The following SGPP2 variants were observed in gnomAD, a reference collection of about 807,000 sequenced individuals.
SGPP2 encodes the protein sphingosine-1-phosphate phosphatase 2.
SGPP2 carries 30 observed loss-of-function variants against 33.9 expected under a neutral mutation model. The observed-to-expected ratio is 0.89, with a 90% confidence interval of 0.66 to 1.20. The LOEUF is 1.20. Among genes scored for constraint, SGPP2 ranks in the 50% most tolerant of loss-of-function variants. SGPP2 has a pLI of 0.00. For missense variants in SGPP2, 458 were observed against 532.1 expected (o/e 0.86, Z 1.37); for synonymous variants, 233 against 225.0 (o/e 1.04, Z -0.32).
In SGPP2 at chr2:222,559,406, C is replaced by T. The variant is rs1277006195; in HGVS notation, c.*508C>T. On this transcript the variant is annotated 3_prime_UTR_variant, in exon 5 of 5. Coordinates refer to ENST00000321276, the MANE Select transcript of SGPP2 (RefSeq NM_152386.4). ...TTTGGTCTAGGAGAAGGGGTGGCAC[C>T]ATATGAAACGGCATTCCTTGGACAG... 1.3e-5 allele frequency: 2 copies of T among 158,856 alleles called. No homozygotes were observed. Among genetic ancestry groups the T allele is most frequent in the Non-Finnish European group, 2.8e-5 (2 of 71,620 alleles). The allele number at this position is 158,856 out of a possible 1,614,324, so 9.8% of individuals were successfully genotyped here.
intron 2 of SGPP2, among the ~76,000 whole-genome samples, chr2:222,485,891 G>C (rs147820200): frequency 6.6e-6 from 1 of 152,228 alleles, no homozygotes; most frequent in Non-Finnish European, 1.5e-5. Context: ...AGAGGCCACC[G>C]TTTATTTTGG....
At chr2:222,531,821 G>T (rs1559171823) in intron 4 of SGPP2, among the ~76,000 whole-genome samples, 3 of 152,100 alleles carry the variant, frequency 2.0e-5, no homozygotes, top group Admixed American at 1.3e-4. Flanking sequence ...TGTCTTCCAT[G>T]CTAGATATGT....
chr2:222,447,846 A>G (rs1405331631), intron 1 of SGPP2, among the ~76,000 whole-genome samples: 1 of 152,202 alleles, frequency 6.6e-6, no homozygotes, highest in Non-Finnish European at 1.5e-5. Context: ...CTCACGGGTT[A>G]GTGAAGGAGG....
Position 222,550,603 on chromosome 2 carries a change from A to G in SGPP2, c.649-7744A>G, listed in dbSNP as rs1247955278. 2.0e-5 allele frequency among the ~76,000 whole-genome samples: 3 copies of G among 152,234 alleles called. No homozygotes were observed. Among genetic ancestry groups the G allele is most frequent in the Non-Finnish European group, 1.5e-5 (1 of 68,034 alleles). On this transcript the variant is annotated intron_variant, in intron 4 of 4. Transcript: ENST00000321276. This position sits in a 1 kb window ranked among gnomAD's most constrained non-coding sequence, Gnocchi z 4.5. ...CTTATGGTTACCTTGAAACCATAGA[A>G]AATGAGGTTGCAGAAATTTGTCTTT...
chr2:222,424,767 C>G lies in SGPP2; in HGVS notation c.165C>G (p.Asn55Lys), dbSNP rs1283402528. 3 of 1,402,492 alleles carry G rather than the reference C, an allele frequency of 2.1e-6. No homozygotes were observed. The highest frequency in any genetic ancestry group is 1.5e-5 in the South Asian group (1 of 66,110). 86.9% of individuals were successfully genotyped at this position (1,402,492 alleles called of 1,614,324 possible). A position where few individuals can be genotyped will look rare whatever the true frequency, so the allele number is the denominator to read the frequency against. Residue 55 changes from asparagine to lysine, a missense_variant, in exon 1 of 5, where the codon AAC (asparagine) becomes AAG (lysine). Asn to Lys is a moderately conservative substitution (Grantham distance 94). Transcript: ENST00000321276. Reference protein sequence around the residue: ...VPGVEHLPAANGKGGEAPANG... With the variant: ...VPGVEHLPAAKGKGGEAPANG... ...GGGTCGAGCATCTCCCCGCAGCCAA[C>G]GGCAAGGGCGGCGAGGCTCCGGCCA... is the stretch of plus-strand genomic sequence containing the variant.
intron 2 of SGPP2, among the ~76,000 whole-genome samples, chr2:222,478,138 G>A (rs1005543871): frequency 6.6e-6 from 1 of 150,706 alleles, no homozygotes; most frequent in Admixed American, 6.6e-5. Context: ...TCCTGCCAGT[G>A]CCTGGGGAGA....
At chr2:222,512,243 C>T (rs995449402) in intron 2 of SGPP2, among the ~76,000 whole-genome samples, 1 of 151,108 alleles carries the variant, frequency 6.6e-6, no homozygotes, top group Non-Finnish European at 1.5e-5. Context: ...AATCTCCTGA[C>T]CTCGTGATCC....
intron 2 of SGPP2, chr2:222,504,868 A>G (rs892136757): frequency 2.0e-5 from 3 of 152,234 alleles, no homozygotes; most frequent in Non-Finnish European, 2.9e-5. Context: ...CTGGCACTGC[A>G]AAAAAGGTGA....
intron 1 of SGPP2, among the ~76,000 whole-genome samples, chr2:222,451,267 A>T (rs1697483593): frequency 6.6e-6 from 1 of 152,232 alleles, no homozygotes; most frequent in South Asian, 2.1e-4. Flanking sequence ...TTTAAAGGGA[A>T]AAAAGTGCTC....
At chr2:222,546,620 CAAGGTCAGTGACA>C (rs1689206712) in intron 4 of SGPP2, among the ~76,000 whole-genome samples, 1 of 152,104 alleles carries the variant, frequency 6.6e-6, no homozygotes, top group African/African-American at 2.4e-5. Context: ...CAACATTTCC[CAAGGTCAGTGACA>C]AAGGGCTGGG....
At chr2:222,492,959 C>T (rs1698220753) in intron 2 of SGPP2, among the ~76,000 whole-genome samples, 1 of 152,178 alleles carries the variant, frequency 6.6e-6, no homozygotes, top group South Asian at 2.1e-4. Context: ...CTTCATTGTC[C>T]ATATTACTAT....
At chr2:222,506,793 C>T (rs1029154737) in intron 2 of SGPP2, among the ~76,000 whole-genome samples, 4 of 152,048 alleles carry the variant, frequency 2.6e-5, no homozygotes, top group Non-Finnish European at 5.9e-5. Context: ...CATTATCTCA[C>T]AAGTGTTTCA....
rs1646044898 is a variant in SGPP2 at position 222,562,562 on chromosome 2, T to C, written c.*3664T>C. ...GTCTTGCTTATGTACTGTATGTAAA[T>C]TTATTCTTTTTAAAAATCACTTTTA... On this transcript the variant is annotated 3_prime_UTR_variant, in exon 5 of 5. Transcript: ENST00000321276. 6.6e-6 allele frequency among the ~76,000 whole-genome samples: 1 copy of C among 152,228 alleles called. No individual in the cohort carries two copies. Among genetic ancestry groups the C allele is most frequent in the Non-Finnish European group, 1.5e-5 (1 of 68,042 alleles).
intron 4 of SGPP2, among the ~76,000 whole-genome samples, chr2:222,542,109 C>T (rs1699006883): frequency 6.6e-6 from 1 of 152,050 alleles, no homozygotes; most frequent in Non-Finnish European, 1.5e-5. Flanking sequence ...CAAAGGTACC[C>T]GCTCCCCAAA....
intron 1 of SGPP2, among the ~76,000 whole-genome samples, chr2:222,427,140 C>G (rs923356896): frequency 1.3e-5 from 2 of 152,198 alleles, no homozygotes; most frequent in Admixed American, 1.3e-4. Flanking sequence ...GGATGATAAA[C>G]TCTAAGAATG....
At chr2:222,521,730 A>G in intron 2 of SGPP2, 37 bp from the exon 3 acceptor site, 1 of 1,559,892 alleles carries the variant, frequency 6.4e-7, no homozygotes, top group South Asian at 1.2e-5. Flanking sequence ...CATTTTCCTT[A>G]TTTGATTAGA....
Position 222,490,604 on chromosome 2 carries a change from ATT to A in SGPP2, c.378+15898_378+15899del, listed in dbSNP as rs60235375. 4.2e-3 allele frequency among the ~76,000 whole-genome samples: 488 copies of A among 115,452 alleles called. 1 individual carries two copies. The highest frequency in any genetic ancestry group is 0.017 in the South Asian group (55 of 3,208). 75.7% of individuals were successfully genotyped at this position (115,452 alleles called of 152,430 possible). A position where few individuals can be genotyped will look rare whatever the true frequency, so the allele number is the denominator to read the frequency against. On this transcript the variant is annotated intron_variant, in intron 2 of 4. Transcript: ENST00000321276. ...AGGTACAAGCCAACACACCTGGCTA[ATT>A]TTTTTTTTTTTTTTTTTTTGTAAAG...
At chr2:222,425,936 C>G (rs1697062846) in intron 1 of SGPP2, among the ~76,000 whole-genome samples, 1 of 152,094 alleles carries the variant, frequency 6.6e-6, no homozygotes, top group Non-Finnish European at 1.5e-5. Flanking sequence ...AGAAATCCTC[C>G]TCTGTATTTT....
At chr2:222,440,077 A>G (rs1243728989) in intron 1 of SGPP2, among the ~76,000 whole-genome samples, 1 of 152,214 alleles carries the variant, frequency 6.6e-6, no homozygotes, top group Non-Finnish European at 1.5e-5. Flanking sequence ...TGGTTCTGCC[A>G]TTTTTCTCGC....
Sources: allele counts gnomAD v4.1 joint callset (sites outside exome capture counted in the v4.1 genomes callset), GRCh38; gene constraint gnomAD v4.1.1; non-coding constraint Gnocchi (gnomAD v3.1); transcripts MANE v1.5; gene names NCBI Gene and HGNC (gene_info 2026-07-23, HGNC 2026-07-21).